Variants in MAF observed in about 807,000 individuals in gnomAD.
The protein encoded by MAF is MAF bZIP transcription factor, also known as transcription factor Maf.
MAF carries 10 observed loss-of-function variants against 22.0 expected under a neutral mutation model. The ratio of observed to expected loss-of-function variants is 0.45; its 90% confidence interval spans 0.28 to 0.77. The LOEUF (loss-of-function observed/expected upper bound fraction) is 0.77, where lower values mean the gene tolerates loss of function less well. Among genes scored for constraint, MAF ranks in the 30% least tolerant of loss-of-function variants. MAF has a pLI of 0.12. For synonymous variants in MAF, 337 were observed against 255.8 expected, an observed-to-expected ratio of 1.32 and a Z score of -3.03; for missense variants, 544 against 548.4, an observed-to-expected ratio of 0.99 and a Z score of 0.08.
At chr16:79,512,403 G>C in the MAF span, among the ~76,000 whole-genome samples, 1 of 152,180 alleles carries the variant, frequency 6.6e-6, no homozygotes, top group South Asian at 2.1e-4. Flanking sequence ...GAGCTTTGAG[G>C]GTTGGGGGTC....
chr16:79,446,703 G>T, the MAF span, among the ~76,000 whole-genome samples: 1 of 151,662 alleles, frequency 6.6e-6, no homozygotes, highest in Non-Finnish European at 1.5e-5. Flanking sequence ...CTTGAACCCA[G>T]AAGTTCAAGA....
chr16:79,522,567 C>T, the MAF span, among the ~76,000 whole-genome samples: 1 of 152,180 alleles, frequency 6.6e-6, no homozygotes, highest in Non-Finnish European at 1.5e-5. Context: ...CCTAATTTTG[C>T]CCCTGCTCTT....
chr16:79,207,724 T>C, the MAF span, among the ~76,000 whole-genome samples: 1 of 152,204 alleles, frequency 6.6e-6, no homozygotes, highest in Admixed American at 6.5e-5. Flanking sequence ...CGGTGTAACA[T>C]GTGTCCCTGT....
At chr16:79,281,840 C>T in the MAF span, among the ~76,000 whole-genome samples, 26 of 152,174 alleles carry the variant, frequency 1.7e-4, no homozygotes, top group South Asian at 1.5e-3. Flanking sequence ...CAATCCTTTA[C>T]GCCTACAGCA....
the MAF span, among the ~76,000 whole-genome samples, chr16:79,218,413 C>G: frequency 2.0e-5 from 3 of 152,170 alleles, no homozygotes; most frequent in African/African-American, 7.2e-5. Context: ...ATGCATACAG[C>G]TTTTTCCTTC....
the MAF span, among the ~76,000 whole-genome samples, chr16:79,455,656 C>T: frequency 2.0e-5 from 3 of 152,142 alleles, no homozygotes; most frequent in South Asian, 2.1e-4. Flanking sequence ...GATATATTTA[C>T]ATTAAAAAAT....
the MAF span, among the ~76,000 whole-genome samples, chr16:79,289,735 G>A: frequency 3.9e-5 from 6 of 152,148 alleles, no homozygotes; most frequent in South Asian, 4.2e-4. Flanking sequence ...CTTCCAAGGT[G>A]TCACAACTCA....
the MAF span, among the ~76,000 whole-genome samples, chr16:79,506,817 A>C: frequency 1.3e-5 from 2 of 152,196 alleles, no homozygotes; most frequent in South Asian, 2.1e-4. Context: ...AGTAGACTCA[A>C]GATGGGGCCA....
the MAF span, among the ~76,000 whole-genome samples, chr16:79,528,785 T>C: frequency 3.9e-5 from 6 of 152,092 alleles, no homozygotes; most frequent in Non-Finnish European, 8.8e-5. Context: ...GAAAATGAAA[T>C]TGGCTGTCTT....
the MAF span, among the ~76,000 whole-genome samples, chr16:79,299,510 G>T: frequency 6.6e-6 from 1 of 152,144 alleles, no homozygotes; most frequent in African/African-American, 2.4e-5. Flanking sequence ...GAAGGAGGGG[G>T]GTCAAGGAAG....
chr16:79,279,180 G>A, the MAF span, among the ~76,000 whole-genome samples: 1 of 152,072 alleles, frequency 6.6e-6, no homozygotes, highest in Non-Finnish European at 1.5e-5. Flanking sequence ...ATAGGAAATG[G>A]TAGAATGCTG....
the MAF span, among the ~76,000 whole-genome samples, chr16:79,255,122 T>G: frequency 6.6e-6 from 1 of 152,242 alleles, no homozygotes; most frequent in Non-Finnish European, 1.5e-5. Flanking sequence ...AATTGTCTCC[T>G]GGCTTCTTGT....
the MAF span, chr16:79,212,354 C>A: frequency 1.7e-6 from 1 of 600,462 alleles, no homozygotes; most frequent in Non-Finnish European, 2.8e-6. Context: ...GACAGTGACA[C>A]CCAGAGGGAG....
chr16:79,521,160 G>C, the MAF span, among the ~76,000 whole-genome samples: 1 of 152,196 alleles, frequency 6.6e-6, no homozygotes, highest in South Asian at 2.1e-4. Flanking sequence ...GGCAGTTAAA[G>C]TGAACATCTT....
the MAF span, among the ~76,000 whole-genome samples, chr16:79,438,673 G>T: frequency 1.3e-5 from 2 of 152,182 alleles, no homozygotes; most frequent in Non-Finnish European, 2.9e-5. Context: ...CAGCCAGCGA[G>T]GTCGTGCAGA....
At chr16:79,335,840 G>A in the MAF span, among the ~76,000 whole-genome samples, 1 of 152,188 alleles carries the variant, frequency 6.6e-6, no homozygotes, top group Non-Finnish European at 1.5e-5. Context: ...TTTGCTCAGA[G>A]GGGACAAGAG....
chr16:79,445,857 A>G, the MAF span, among the ~76,000 whole-genome samples: 1 of 152,206 alleles, frequency 6.6e-6, no homozygotes, highest in Non-Finnish European at 1.5e-5. Flanking sequence ...ACCAGCTTTT[A>G]GCCTGATAAG....
chr16:79,473,124 TCTGGTCGTTCACACCC>T, the MAF span, among the ~76,000 whole-genome samples: 1 of 152,056 alleles, frequency 6.6e-6, no homozygotes, highest in African/African-American at 2.4e-5. Flanking sequence ...TCGATGGCCA[TCTGGTCGTTCACACCC>T]CTGGCTCAGC....
At chr16:79,374,389 T>C in the MAF span, among the ~76,000 whole-genome samples, 7 of 152,352 alleles carry the variant, frequency 4.6e-5, no homozygotes, top group South Asian at 1.5e-3. Flanking sequence ...CTCTCTGCTA[T>C]TTGCTTTCTC....
Sources: allele counts gnomAD v4.1 joint callset (sites outside exome capture counted in the v4.1 genomes callset), GRCh38; gene constraint gnomAD v4.1.1; transcripts MANE v1.5; gene names NCBI Gene and HGNC (gene_info 2026-07-23, HGNC 2026-07-21).